The following ZNF429 variants were observed in gnomAD, a reference collection of about 807,000 sequenced individuals.
The protein encoded by ZNF429 is zinc finger protein 429.
Under a neutral mutation model 56.8 loss-of-function variants are expected in ZNF429, and 53 were observed. That is an observed-to-expected ratio of 0.93 (90% CI 0.75 to 1.17). The LOEUF is 1.17. Ranked by LOEUF, ZNF429 falls within the 50% of genes most tolerant of loss-of-function variation. ZNF429 has a pLI of 0.00. For missense variants in ZNF429, 849 were observed against 788.4 expected (o/e 1.08, Z -0.92); for synonymous variants, 278 against 264.7 (o/e 1.05, Z -0.49).
chr19:21,537,956 A>C lies in ZNF429; in HGVS notation c.1903A>C (p.Arg635=). The C allele has an allele frequency of 6.2e-7, 1 of 1,614,152 alleles. No individual in the cohort carries two copies. The highest frequency in any genetic ancestry group is 8.5e-7 in the Non-Finnish European group (1 of 1,180,044). The change falls in exon 4 of 4, where the codon AGA becomes CGA. Residue 635 remains arginine, a synonymous_variant. Coordinates refer to ENST00000358491, the MANE Select transcript of ZNF429 (RefSeq NM_001001415.4). ...ECAKAFTRSS[R]LTQHKKIHRM... ...TGCCAAAGCTTTTACCCGGTCTTCAAGACTTACTCAACATAAGAAAATTCA... is the reference window on the plus strand; with the variant it reads ...TGCCAAAGCTTTTACCCGGTCTTCACGACTTACTCAACATAAGAAAATTCA...
rs2145494825 is a variant in ZNF429 at position 21,538,383 on chromosome 19, C to CTT, written c.*305_*306insTT. On this transcript the variant is annotated 3_prime_UTR_variant, in exon 4 of 4. Coordinates refer to ENST00000358491, the MANE Select transcript of ZNF429 (RefSeq NM_001001415.4). ...TTGGGAGGCCGAGGCGGGTGGATCA[C>CTT]GAGGTCAGGAGTTCAAGACCAGCCT... 6.6e-6 allele frequency among the ~76,000 whole-genome samples: 1 copy of CTT among 151,272 alleles called. No homozygotes were observed. Among genetic ancestry groups the CTT allele is most frequent in the East Asian group, 1.9e-4 (1 of 5,142 alleles).
At position 21,539,872 on chromosome 19, in the gene ZNF429, CAT is replaced by C. The variant is rs1482865026; in HGVS notation, c.*1798_*1799del. Among the ~76,000 whole-genome samples, 1 of 152,056 alleles carries C rather than the reference CAT, an allele frequency of 6.6e-6. No individual in the cohort carries two copies. The highest frequency in any genetic ancestry group is 2.4e-5 in the African/African-American group (1 of 41,402). ...CATGTGATCAATTATTGCTGCATCA[CAT>C]ATAGACTCATTAGGTGGAAATTATG... On this transcript the variant is annotated 3_prime_UTR_variant, in exon 4 of 4. Coordinates refer to ENST00000358491, the MANE Select transcript of ZNF429 (RefSeq NM_001001415.4).
chr19:21,536,313 C>T lies in ZNF429; in HGVS notation c.260C>T (p.Pro87Leu). 1.3e-6 allele frequency: 2 copies of T among 1,588,512 alleles called. No homozygotes were observed. Among genetic ancestry groups the T allele is most frequent in the Non-Finnish European group, 1.7e-6 (2 of 1,170,562 alleles). ...TCTCATTTTGCTGAAGACTTTTGGC[C>T]AGAGCAAGACATAAAAGATTCTTTC... ...VCSHFAEDFWPEQDIKDSFQK... is the reference protein window; with the variant it reads ...VCSHFAEDFWLEQDIKDSFQK... The change falls in exon 4 of 4, where the codon CCA (proline) becomes CTA (leucine). Residue 87 changes from proline to leucine, a missense_variant. Physicochemically the swap from Pro to Leu is moderately conservative, Grantham distance 98. Coordinates refer to ENST00000358491, the MANE Select transcript of ZNF429 (RefSeq NM_001001415.4).
intron 1 of ZNF429, among the ~76,000 whole-genome samples, chr19:21,526,494 A>AATG (rs1435995800): frequency 6.6e-6 from 1 of 152,230 alleles, no homozygotes; most frequent in Non-Finnish European, 1.5e-5. Context: ...TTTACCTTTT[A>AATG]ATGTAATGGC....
At chr19:21,506,555 G>C (rs2032167640) in intron 1 of ZNF429, among the ~76,000 whole-genome samples, 1 of 151,896 alleles carries the variant, frequency 6.6e-6, no homozygotes, top group South Asian at 2.1e-4. Flanking sequence ...TGGTCCTTTG[G>C]AGGAGCTTGA....
chr19:21,527,746 C>G (rs2033221123), intron 1 of ZNF429, among the ~76,000 whole-genome samples: 1 of 152,150 alleles, frequency 6.6e-6, no homozygotes, highest in South Asian at 2.1e-4. Context: ...GGTGTGGTGG[C>G]AGCAGGTAAA....
intron 1 of ZNF429, among the ~76,000 whole-genome samples, chr19:21,509,169 A>G (rs1295498138): frequency 6.6e-6 from 1 of 151,996 alleles, no homozygotes; most frequent in African/African-American, 2.4e-5. Context: ...CTGTCGCGCC[A>G]GCCTATTTTT....
At position 21,536,452 on chromosome 19, in the gene ZNF429, T is replaced by G; in HGVS notation, c.399T>G (p.Leu133=). The G allele has an allele frequency of 6.2e-7, 1 of 1,613,610 alleles. No homozygotes were observed. Among genetic ancestry groups the G allele is most frequent in the South Asian group, 1.1e-5 (1 of 91,044 alleles). The part of the protein sequence containing the change: ...CKLYKGGYNG[L]NQCLTLTQSK... ...TATACAAAGGAGGTTATAATGGACT[T>G]AACCAATGTTTGACACTTACCCAGA... Residue 133 remains leucine (L), a synonymous_variant, in exon 4 of 4, where the codon CTT becomes CTG. Transcript: ENST00000358491.
chr19:21,539,671 T>TCGG lies in ZNF429; in HGVS notation c.*1594_*1595insGGC, dbSNP rs1161906149. On this transcript the variant is annotated 3_prime_UTR_variant, in exon 4 of 4. Transcript: ENST00000358491. ...GTCTCAAACTCTTCATCTCAAGTGA[T>TCGG]CTGCCCACCTTGGCCTCCCAGAGTG... Among the ~76,000 whole-genome samples, 2 of 151,818 alleles carry TCGG rather than the reference T, an allele frequency of 1.3e-5. No individual in the cohort carries two copies. Among genetic ancestry groups the TCGG allele is most frequent in the African/African-American group, 4.8e-5 (2 of 41,316 alleles).
At chr19:21,520,803 T>C (rs1001775362) in intron 1 of ZNF429, among the ~76,000 whole-genome samples, 56 of 152,332 alleles carry the variant, frequency 3.7e-4, no homozygotes, top group Non-Finnish European at 3.5e-4. Flanking sequence ...GTGGAATCTG[T>C]AGTTGTACTT....
chr19:21,517,201 G>GTT (rs772707057), intron 1 of ZNF429, among the ~76,000 whole-genome samples: 1 of 152,072 alleles, frequency 6.6e-6, no homozygotes, highest in African/African-American at 2.4e-5. Flanking sequence ...ATAATCTTGT[G>GTT]TTTTTTGTCT....
At position 21,540,288 on chromosome 19, in the gene ZNF429, G is replaced by A. The variant is rs1233150894; in HGVS notation, c.*2210G>A. On this transcript the variant is annotated 3_prime_UTR_variant, in exon 4 of 4. Transcript: ENST00000358491. ...TAGCAGTATGCTATTTAGTAACATA[G>A]TGGAATAGCATCTCTAGTAATCTCT... Among the ~76,000 whole-genome samples the A allele has an allele frequency of 6.6e-6, 1 of 152,158 alleles. No individual in the cohort carries two copies. Among genetic ancestry groups the A allele is most frequent in the East Asian group, 1.9e-4 (1 of 5,200 alleles).
chr19:21,524,765 G>A (rs1051517916), intron 1 of ZNF429, among the ~76,000 whole-genome samples: 4 of 152,158 alleles, frequency 2.6e-5, no homozygotes, highest in African/African-American at 7.2e-5. Flanking sequence ...GATGTCCAGA[G>A]CAGAACTGTG....
At position 21,536,131 on chromosome 19, in the gene ZNF429, TA is replaced by T; in HGVS notation, c.227-148del. 5 of 171,094 alleles carry T rather than the reference TA, an allele frequency of 2.9e-5. 2 individuals carry two copies. The highest frequency in any genetic ancestry group is 1.2e-4 in the African/African-American group (2 of 16,476). The allele number at this position is 171,094 out of a possible 1,614,324, so 10.6% of individuals were successfully genotyped here. A position where few individuals can be genotyped will look rare whatever the true frequency, so the allele number is the denominator to read the frequency against. ...TATTTTGGTTAGTATGTCTTTGTTATATTTATATGTTTATGAAGAAATTAGA... is the reference window on the plus strand; with the variant it reads ...TATTTTGGTTAGTATGTCTTTGTTATTTTATATGTTTATGAAGAAATTAGA... On this transcript the variant is annotated intron_variant, in intron 3 of 3. Transcript: ENST00000358491.
At chr19:21,532,388 T>C in intron 3 of ZNF429, among the ~76,000 whole-genome samples, 1 of 152,120 alleles carries the variant, frequency 6.6e-6, no homozygotes, top group African/African-American at 2.4e-5. Context: ...ACTATAGTAA[T>C]ACAAACATAG....
Position 21,535,403 on chromosome 19 carries a change from TTC to T in ZNF429, c.227-875_227-874del. On this transcript the variant is annotated intron_variant, in intron 3 of 3. Coordinates refer to ENST00000358491, the MANE Select transcript of ZNF429 (RefSeq NM_001001415.4). ...TTTTTTACTTTCTTTCTTTCTTTCT[TTC>T]TTTTTCTTTTCTTTCTTTCTTTCTT... Among the ~76,000 whole-genome samples the T allele has an allele frequency of 2.9e-3, 137 of 47,532 alleles. 18 individuals are homozygous for T. The highest frequency in any genetic ancestry group is 0.022 in the African/African-American group (99 of 4,434). 31.2% of individuals were successfully genotyped at this position (47,532 alleles called of 152,430 possible). A position where few individuals can be genotyped will look rare whatever the true frequency, so the allele number is the denominator to read the frequency against.
At chr19:21,513,251 T>G (rs1442071894) in intron 1 of ZNF429, among the ~76,000 whole-genome samples, 2 of 152,200 alleles carry the variant, frequency 1.3e-5, no homozygotes, top group African/African-American at 4.8e-5. Context: ...TAATCACAGC[T>G]GTTTTCTCGG....
intron 1 of ZNF429, among the ~76,000 whole-genome samples, chr19:21,511,057 G>A (rs573855018): frequency 1.8e-4 from 27 of 151,992 alleles, no homozygotes; most frequent in Non-Finnish European, 3.1e-4. Flanking sequence ...CCACAAAACC[G>A]CCATTGTCAT....
chr19:21,533,493 T>A, intron 3 of ZNF429, among the ~76,000 whole-genome samples: 2 of 152,120 alleles, frequency 1.3e-5, no homozygotes, highest in Non-Finnish European at 2.9e-5. Context: ...CATTTAATGT[T>A]GTATCTAAGA....
Sources: gnomAD v4.1 joint callset for allele counts (sites outside exome capture counted in the v4.1 genomes callset) on GRCh38, gnomAD v4.1.1 for gene constraint, MANE v1.5 for transcripts, NCBI Gene and HGNC (gene_info 2026-07-23, HGNC 2026-07-21) for gene names.